Variants in TMEM25 observed in about 807,000 individuals in gnomAD.
TMEM25 encodes the protein transmembrane protein 25.
Under a neutral mutation model 37.0 loss-of-function variants are expected in TMEM25, and 36 were observed. The ratio of observed to expected loss-of-function variants is 0.97; its 90% confidence interval spans 0.75 to 1.28. The LOEUF (loss-of-function observed/expected upper bound fraction) is 1.28. TMEM25 is among the 50% of genes most tolerant of loss of function. TMEM25 has a pLI of 0.00. For missense variants in TMEM25, 444 were observed against 477.9 expected, an observed-to-expected ratio of 0.93 and a Z score of 0.66; for synonymous variants, 197 against 203.7, an observed-to-expected ratio of 0.97 and a Z score of 0.28.
At position 118,534,477 on chromosome 11, in the gene TMEM25, G is replaced by A; in HGVS notation, c.1028-30G>A. ...CAAATTCCAAGGAACAAGCGTTACTGAGTCCCCGCGGGCTTCTTTGATCCC... is the reference window on the plus strand; with the variant it reads ...CAAATTCCAAGGAACAAGCGTTACTAAGTCCCCGCGGGCTTCTTTGATCCC... On this transcript the variant is annotated intron_variant, in intron 8 of 8. Transcript: ENST00000313236. This position sits in a 1 kb window ranked among gnomAD's most constrained non-coding sequence, Gnocchi z 4.6. 2 of 1,613,786 alleles carry A rather than the reference G, an allele frequency of 1.2e-6. No homozygotes were observed. The highest frequency in any genetic ancestry group is 1.7e-6 in the Non-Finnish European group (2 of 1,179,938).
At position 118,535,465 on chromosome 11, in the gene TMEM25, T is replaced by TGTGA; in HGVS notation, c.*889_*892dup. 6.6e-7 allele frequency: 1 copy of TGTGA among 1,505,938 alleles called. No individual in the cohort carries two copies. 93.3% of individuals were successfully genotyped at this position (1,505,938 alleles called of 1,614,324 possible). A position where few individuals can be genotyped will look rare whatever the true frequency, so the allele number is the denominator to read the frequency against. On this transcript the variant is annotated 3_prime_UTR_variant, in exon 9 of 9. Coordinates refer to ENST00000313236, the MANE Select transcript of TMEM25 (RefSeq NM_032780.4). ...CCACGTTTGGCCTTCTGGGATTCAC[T>TGTGA]GTGAGTGTCCTGAGCTCTCGGGGTT...
Position 118,534,024 on chromosome 11 carries a change from T to C in TMEM25, c.837-5T>C. On this transcript the variant is annotated splice_polypyrimidine_tract_variant and splice_region_variant and intron_variant, in intron 6 of 8. Transcript: ENST00000313236. This position sits in a 1 kb window ranked among gnomAD's most constrained non-coding sequence, Gnocchi z 4.6. ...TATCCATCCCGAACTTTGTCCTCCC[T>C]GTAGTGACTCCAACAACCTAAAACT... The C allele has an allele frequency of 3.7e-6, 6 of 1,614,100 alleles. No individual in the cohort carries two copies. Among genetic ancestry groups the C allele is most frequent in the Non-Finnish European group, 4.2e-6 (5 of 1,180,014 alleles).
intron 3 of TMEM25, 156 bp from the exon 4 acceptor site, chr11:118,532,761 C>G: frequency 9.1e-7 from 1 of 1,097,750 alleles, no homozygotes. Context: ...ATAATCACTC[C>G]GAAATGCTGC....
intron 8 of TMEM25, chr11:118,544,944 C>G: frequency 6.2e-7 from 1 of 1,613,634 alleles, no homozygotes; most frequent in Non-Finnish European, 8.5e-7. Context: ...CTCCATGTCT[C>G]CAGCTTGGGA....
intron 8 of TMEM25, among the ~76,000 whole-genome samples, chr11:118,542,173 G>A (rs904658566): frequency 1.2e-4 from 18 of 152,198 alleles, no homozygotes; most frequent in Non-Finnish European, 2.9e-5. Flanking sequence ...TCTGGTGAGG[G>A]TCTTTTTGCT....
chr11:118,533,373 G>A, intron 4 of TMEM25, 47 bp from the exon 5 acceptor site: 1 of 1,610,244 alleles, frequency 6.2e-7, no homozygotes, highest in Admixed American at 1.7e-5. Context: ...GCATGTTGGG[G>A]CTGGGGCACT....
downstream of TMEM25, among the ~76,000 whole-genome samples, chr11:118,539,187 G>C (rs1253914785): frequency 5.6e-5 from 1 of 17,998 alleles, no homozygotes; most frequent in South Asian, 1.9e-3. Flanking sequence ...TTTTTTTTTT[G>C]AGACGGAGTC....
intron 8 of TMEM25, among the ~76,000 whole-genome samples, chr11:118,543,809 CTTTT>C (rs35217372): frequency 7.5e-6 from 1 of 133,258 alleles, no homozygotes; most frequent in African/African-American, 2.8e-5. Flanking sequence ...TAAACACCCC[CTTTT>C]TTTTTTTTTT....
In TMEM25 at chr11:118,534,442, G is replaced by A. The variant is rs1951444765; in HGVS notation, c.1028-65G>A. ...GGCCTCCAAGTGCCCAGGAGGCAGA[G>A]AGAGCTCTCCAAATTCCAAGGAACA... is the stretch of plus-strand genomic sequence containing the variant. On this transcript the variant is annotated intron_variant, in intron 8 of 8. Transcript: ENST00000313236. This position sits in a 1 kb window ranked among gnomAD's most constrained non-coding sequence, Gnocchi z 4.6. The A allele has an allele frequency of 6.2e-6, 10 of 1,610,986 alleles. 1 individual carries two copies. The South Asian group carries it at 9.9e-5, about 16-fold the overall frequency.
intron 8 of TMEM25, among the ~76,000 whole-genome samples, chr11:118,541,635 C>T (rs1312992027): frequency 2.0e-5 from 3 of 152,014 alleles, no homozygotes; most frequent in African/African-American, 7.3e-5. Context: ...AGGATTGTTA[C>T]CTGGTATCAC....
intron 2 of TMEM25, 65 bp downstream of exon 2, chr11:118,531,936 T>C: frequency 6.5e-7 from 1 of 1,531,154 alleles, no homozygotes; most frequent in East Asian, 2.5e-5. Context: ...CTCCCCTGTC[T>C]GCACTTCTGT....
chr11:118,545,916 C>T, intron 8 of TMEM25: 2 of 1,426,244 alleles, frequency 1.4e-6, no homozygotes, highest in Non-Finnish European at 2.0e-6. Flanking sequence ...GAACCACTCT[C>T]TCTCTCTGAA....
rs1951466750 is a variant in TMEM25, at chr11:118,534,923, T to G, written c.*343T>G. 8.4e-7 allele frequency: 1 copy of G among 1,192,068 alleles called. No homozygotes were observed. Among genetic ancestry groups the G allele is most frequent in the Non-Finnish European group, 1.1e-6 (1 of 951,362 alleles). The allele number at this position is 1,192,068 out of a possible 1,614,324, so 73.8% of individuals were successfully genotyped here. ...CATCCAAGTGTGGCATGGCCTGCTGTATACCCCACCCCAGTACTCCACAGC... is the reference window on the plus strand; with the variant it reads ...CATCCAAGTGTGGCATGGCCTGCTGGATACCCCACCCCAGTACTCCACAGC... On this transcript the variant is annotated 3_prime_UTR_variant, in exon 9 of 9. Coordinates refer to ENST00000313236, the MANE Select transcript of TMEM25 (RefSeq NM_032780.4). This position sits in a 1 kb window ranked among gnomAD's most constrained non-coding sequence, Gnocchi z 4.6.
chr11:118,534,699 G>GCCCT lies in TMEM25; in HGVS notation c.*122_*125dup. The GCCCT allele has an allele frequency of 6.7e-7, 1 of 1,503,056 alleles. No individual in the cohort carries two copies. The highest frequency in any genetic ancestry group is 8.9e-7 in the Non-Finnish European group (1 of 1,123,844). The allele number at this position is 1,503,056 out of a possible 1,614,324, so 93.1% of individuals were successfully genotyped here. On this transcript the variant is annotated 3_prime_UTR_variant, in exon 9 of 9. Coordinates refer to ENST00000313236, the MANE Select transcript of TMEM25 (RefSeq NM_032780.4). The surrounding 1 kb of genome is among the most constrained non-coding windows in gnomAD (Gnocchi z 4.6). Reference sequence around the variant, plus strand: ...AGTTATGCCACTGCCACTTTTGCTTGCCCTCCTGGCTGGGGTGCCCTCCAT... The same window carrying GCCCT: ...AGTTATGCCACTGCCACTTTTGCTTGCCCTCCCTCCTGGCTGGGGTGCCCTCCAT...
At position 118,532,306 on chromosome 11, in the gene TMEM25, C is replaced by A. The variant is rs1487090882; in HGVS notation, c.227C>A (p.Thr76Asn). The change falls in exon 3 of 9, where the codon ACC (threonine) becomes AAC (asparagine). Residue 76 changes from threonine to asparagine, a missense_variant. Thr to Asn is a moderately conservative substitution (Grantham distance 65). Transcript: ENST00000313236. ...YLDGQLQEAS[T>N]SRLLSVGGEA... ...GATGGACAGCTGCAGGAGGCCAGCACCTCAAGACTGCTGAGCGTGGGAGGG... is the reference window on the plus strand; with the variant it reads ...GATGGACAGCTGCAGGAGGCCAGCAACTCAAGACTGCTGAGCGTGGGAGGG... The A allele has an allele frequency of 3.1e-6, 5 of 1,614,086 alleles. No individual in the cohort carries two copies. The highest frequency in any genetic ancestry group is 3.4e-6 in the Non-Finnish European group (4 of 1,180,036).
At chr11:118,546,471 T>C (rs781879332) in exon 9 of TMEM25, 3 of 330,968 alleles carry the variant, frequency 9.1e-6, no homozygotes, top group East Asian at 1.2e-4. Flanking sequence ...AGCCTGGGCA[T>C]AGAGTAATAC....
downstream of TMEM25, among the ~76,000 whole-genome samples, chr11:118,538,799 A>T (rs1466547813): frequency 6.6e-6 from 1 of 151,574 alleles, no homozygotes; most frequent in Non-Finnish European, 1.5e-5. Flanking sequence ...AGGCTGAGGC[A>T]GGAGAATCGC....
intron 3 of TMEM25, 81 bp from the exon 4 acceptor site, chr11:118,532,836 G>T: frequency 1.3e-6 from 2 of 1,529,590 alleles, no homozygotes; most frequent in Non-Finnish European, 1.8e-6. Context: ...CAGGCCCCTG[G>T]CTCCCATCTG....
downstream of TMEM25, among the ~76,000 whole-genome samples, chr11:118,538,078 T>C (rs1050608276): frequency 6.6e-6 from 1 of 152,096 alleles, no homozygotes. Flanking sequence ...CCCATATGGT[T>C]TTCCATAGTG....
Sources: allele counts gnomAD v4.1 joint callset (sites outside exome capture counted in the v4.1 genomes callset), GRCh38; gene constraint gnomAD v4.1.1; non-coding constraint Gnocchi (gnomAD v3.1); transcripts MANE v1.5; gene names NCBI Gene and HGNC (gene_info 2026-07-23, HGNC 2026-07-21).